Variants in ZMIZ1 observed in about 807,000 individuals in gnomAD.
The protein encoded by ZMIZ1 is zinc finger MIZ-type containing 1, also known as zinc finger MIZ domain-containing protein 1.
ZMIZ1 carries 17 observed loss-of-function variants against 113.9 expected under a neutral mutation model. The observed-to-expected ratio is 0.15, with a 90% CI of 0.10 to 0.22. ZMIZ1 has a LOEUF of 0.22. Ranked by LOEUF, ZMIZ1 falls within the 10% of genes least tolerant of loss-of-function variation. The pLI is 1.00. For missense variants in ZMIZ1, 1,059 were observed against 1,477.8 expected (o/e 0.72, Z 4.65); for synonymous variants, 607 against 603.1 (o/e 1.01, Z -0.09).
chr10:79,223,093 C>T (rs893657600), intron 7 of ZMIZ1, among the ~76,000 whole-genome samples: 5 of 152,250 alleles, frequency 3.3e-5, no homozygotes, highest in Admixed American at 2.0e-4. Flanking sequence ...CTCTCCACCC[C>T]TCTCTGCCTC....
At chr10:79,253,846 C>A (rs1397965533) in intron 7 of ZMIZ1, among the ~76,000 whole-genome samples, 1 of 152,126 alleles carries the variant, frequency 6.6e-6, no homozygotes, top group Non-Finnish European at 1.5e-5. Context: ...ATGCATGGGC[C>A]TGCACACATG....
At chr10:79,311,371 T>TC (rs761314952) in intron 24 of ZMIZ1, among the ~76,000 whole-genome samples, 187 bp downstream of exon 24, 17 of 151,962 alleles carry the variant, frequency 1.1e-4, no homozygotes, top group Non-Finnish European at 2.5e-4. Context: ...CCACTGAGGG[T>TC]CCCCACCCTG....
At chr10:79,256,181 A>G (rs1850890353) in intron 7 of ZMIZ1, among the ~76,000 whole-genome samples, 1 of 152,132 alleles carries the variant, frequency 6.6e-6, no homozygotes, top group South Asian at 2.1e-4. Flanking sequence ...ATTTATACTA[A>G]TGTGTGAGTG....
intron 7 of ZMIZ1, among the ~76,000 whole-genome samples, chr10:79,274,863 G>T (rs1184342899): frequency 2.0e-5 from 3 of 152,194 alleles, no homozygotes; most frequent in African/African-American, 7.2e-5. Context: ...GCTGAGCAGG[G>T]GGTGGCCCGT....
At position 79,304,022 on chromosome 10, in the gene ZMIZ1, G is replaced by A. The variant is rs772400152; in HGVS notation, c.2133G>A (p.Arg711=). ...PAEHCITKIK[R]NFSSVAASSG... ...GTGCCTCCTGCCCCGCAGTCAAGCG[G>A]AATTTCAGCAGCGTGGCTGCCTCCT... The change falls in exon 19 of 25, where the codon CGG becomes CGA. Residue 711 remains arginine (R), a synonymous_variant. Transcript: ENST00000334512. 1.2e-6 allele frequency: 2 copies of A among 1,614,078 alleles called. No homozygotes were observed. Among genetic ancestry groups the A allele is most frequent in the Non-Finnish European group, 1.7e-6 (2 of 1,180,054 alleles).
intron 1 of ZMIZ1, among the ~76,000 whole-genome samples, chr10:79,092,400 C>T (rs1187656052): frequency 6.6e-6 from 1 of 152,248 alleles, no homozygotes; most frequent in Non-Finnish European, 1.5e-5. Context: ...TTGGGTCAGT[C>T]ACCTCCCTCT....
intron 7 of ZMIZ1, among the ~76,000 whole-genome samples, chr10:79,219,471 C>A (rs1848874228): frequency 6.6e-6 from 1 of 152,228 alleles, no homozygotes; most frequent in African/African-American, 2.4e-5. Context: ...CCTGAACTAG[C>A]CTCCTGGCTG....
rs1330083302 is a variant in ZMIZ1 at position 79,305,585 on chromosome 10, C to G, written c.2407C>G (p.Leu803Val). 1 of 1,613,916 alleles carries G rather than the reference C, an allele frequency of 6.2e-7. No homozygotes were observed. The highest frequency in any genetic ancestry group is 2.2e-5 in the East Asian group (1 of 44,886). The change falls in exon 21 of 25, where the codon CTG becomes GTG. Residue 803 changes from leucine (L) to valine (V), a missense_variant. This residue lies in a region of ZMIZ1 where 217 missense variants were observed against 426.9 expected (regional missense o/e 0.51). Coordinates refer to ENST00000334512, the MANE Select transcript of ZMIZ1 (RefSeq NM_020338.4). Reference protein sequence around the residue: ...LEVDQYMWGILNAIQHSEFEE... With the variant: ...LEVDQYMWGIVNAIQHSEFEE... Reference sequence around the variant, plus strand: ...GGTGGATCAGTACATGTGGGGAATCCTGAATGCCATCCAACAGTAAGTGGG... The same window carrying G: ...GGTGGATCAGTACATGTGGGGAATCGTGAATGCCATCCAACAGTAAGTGGG...
At chr10:79,161,373 C>A (rs1178627014) in intron 3 of ZMIZ1, among the ~76,000 whole-genome samples, 1 of 152,150 alleles carries the variant, frequency 6.6e-6, no homozygotes, top group South Asian at 2.1e-4. Flanking sequence ...TGTCCCTGGC[C>A]CCTGGTCTCC....
At position 79,308,201 on chromosome 10, in the gene ZMIZ1, C is replaced by T. The variant is rs1282782616; in HGVS notation, c.2835+630C>T. Among the ~76,000 whole-genome samples the T allele has an allele frequency of 3.9e-5, 6 of 152,176 alleles. No homozygotes were observed. In the East Asian group the frequency reaches 1.2e-3, roughly 29 times the overall value. ...CCTCCTGTCCCCTGGAGTCCTCATC[C>T]AGTGAGTGCCACGTGGTTCCACTCA... On this transcript the variant is annotated intron_variant, in intron 23 of 24. Coordinates refer to ENST00000334512, the MANE Select transcript of ZMIZ1 (RefSeq NM_020338.4).
intron 1 of ZMIZ1, among the ~76,000 whole-genome samples, chr10:79,083,449 T>C (rs1266180556): frequency 6.6e-6 from 1 of 151,942 alleles, no homozygotes; most frequent in Non-Finnish European, 1.5e-5. Context: ...GTCAACAGAG[T>C]GATCAGGGAC....
chr10:79,148,899 G>T (rs1845602116), intron 3 of ZMIZ1, among the ~76,000 whole-genome samples: 2 of 152,186 alleles, frequency 1.3e-5, no homozygotes, highest in African/African-American at 4.8e-5. Context: ...CTCCCTGCAG[G>T]CAGAGCATCA....
intron 7 of ZMIZ1, among the ~76,000 whole-genome samples, chr10:79,221,687 C>T (rs116446080): frequency 0.019 from 2,879 of 152,342 alleles, 58 homozygotes; most frequent in African/African-American, 0.048. Context: ...TCCCCAAGAG[C>T]CTTCTGCCTG....
intron 1 of ZMIZ1, among the ~76,000 whole-genome samples, chr10:79,102,172 C>G (rs1019507186): frequency 6.6e-6 from 1 of 152,234 alleles, no homozygotes; most frequent in Non-Finnish European, 1.5e-5. Flanking sequence ...GGGAACAAAC[C>G]CAGAAAGCCA....
chr10:79,071,794 T>A (rs1264465338), intron 1 of ZMIZ1, among the ~76,000 whole-genome samples: 1 of 152,206 alleles, frequency 6.6e-6, no homozygotes, highest in African/African-American at 2.4e-5. Context: ...GCCCAGGGAA[T>A]GCATTTGGAG....
chr10:79,104,953 GTGTGTGTGTGT>G (rs1843501357), intron 1 of ZMIZ1, among the ~76,000 whole-genome samples: 3 of 68,574 alleles, frequency 4.4e-5, no homozygotes, highest in African/African-American at 1.9e-4. Flanking sequence ...GTTGTGGGGT[GTGTGTGTGTGT>G]GTGTGTGTGT....
chr10:79,160,474 C>T (rs1315524311), intron 3 of ZMIZ1, among the ~76,000 whole-genome samples: 2 of 152,234 alleles, frequency 1.3e-5, no homozygotes, highest in East Asian at 3.8e-4. Context: ...CAGTGCATTA[C>T]ACAGTCTGCA....
At position 79,316,432 on chromosome 10, in the gene ZMIZ1, T is replaced by C. The variant is rs1855537378; in HGVS notation, c.*3683T>C. On this transcript the variant is annotated 3_prime_UTR_variant, in exon 25 of 25. Coordinates refer to ENST00000334512, the MANE Select transcript of ZMIZ1 (RefSeq NM_020338.4). ...ATTTAAAGATCAAATTATTTGACTA[T>C]TGCTAGACATTTCTATACTCTGTTG... 1 of 152,842 alleles carries C rather than the reference T, an allele frequency of 6.5e-6. No homozygotes were observed. The highest frequency in any genetic ancestry group is 1.9e-4 in the East Asian group (1 of 5,342). 9.5% of individuals were successfully genotyped at this position (152,842 alleles called of 1,614,324 possible).
At chr10:79,143,206 G>C (rs1253844252) in intron 3 of ZMIZ1, among the ~76,000 whole-genome samples, 1 of 152,094 alleles carries the variant, frequency 6.6e-6, no homozygotes, top group Admixed American at 6.5e-5. Flanking sequence ...CTTGGCTCCT[G>C]AGTGTACCTT....
Sources: allele counts gnomAD v4.1 joint callset (sites outside exome capture counted in the v4.1 genomes callset), GRCh38; gene constraint gnomAD v4.1.1; regional missense constraint gnomAD v4.1.1; transcripts MANE v1.5; gene names NCBI Gene and HGNC (gene_info 2026-07-23, HGNC 2026-07-21).